Variants in WDR72 observed in about 807,000 individuals in gnomAD.
WDR72 encodes the protein WD repeat domain 72, also known as WD repeat-containing protein 72.
In WDR72, 120 loss-of-function variants were observed where a neutral mutation model predicts 124.2. The observed-to-expected ratio is 0.97, with a 90% CI of 0.83 to 1.12. The LOEUF is 1.12. WDR72 is among the 50% of genes most tolerant of loss of function. The pLI is 0.00. For synonymous variants in WDR72, 452 were observed against 441.7 expected, an observed-to-expected ratio of 1.02 and a Z score of -0.29; for missense variants, 1,387 against 1,278.8, an observed-to-expected ratio of 1.08 and a Z score of -1.29.
intron 8 of WDR72, 59 bp from the exon 9 acceptor site, chr15:53,711,012 T>C (rs2017520271): frequency 1.4e-6 from 2 of 1,436,770 alleles, no homozygotes; most frequent in South Asian, 1.2e-5. Context: ...TTCGTTTTTT[T>C]TCCCCCTCCC....
At chr15:53,678,481 C>T (rs564585966) in intron 13 of WDR72, among the ~76,000 whole-genome samples, 22 of 152,242 alleles carry the variant, frequency 1.4e-4, no homozygotes, top group Middle Eastern at 3.4e-3. Context: ...TTTCCCGGAG[C>T]ATTCTACCCT....
intron 1 of WDR72, among the ~76,000 whole-genome samples, chr15:53,744,271 C>T (rs747696805): frequency 6.6e-6 from 1 of 152,074 alleles, no homozygotes; most frequent in Admixed American, 6.6e-5. Flanking sequence ...TATGTTTATG[C>T]TTTGATATGA....
chr15:53,529,848 T>C (rs998573845), intron 18 of WDR72, among the ~76,000 whole-genome samples: 1 of 151,938 alleles, frequency 6.6e-6, no homozygotes, highest in African/African-American at 2.4e-5. Flanking sequence ...TGAAACAGAT[T>C]ATAAGGATAT....
intron 14 of WDR72, 61 bp from the exon 15 acceptor site, chr15:53,616,304 T>C (rs2013765813): frequency 7.0e-6 from 10 of 1,437,930 alleles, no homozygotes; most frequent in Non-Finnish European, 8.6e-6. Flanking sequence ...AAAGATTCCA[T>C]GATGTTAAAG....
chr15:53,589,231 C>T (rs527683147), intron 18 of WDR72, among the ~76,000 whole-genome samples: 1 of 151,896 alleles, frequency 6.6e-6, no homozygotes, highest in African/African-American at 2.4e-5. Context: ...TGTGAGCTTG[C>T]TGTGTGTACA....
chr15:53,648,346 T>A (rs924853802), intron 14 of WDR72, among the ~76,000 whole-genome samples: 2 of 152,136 alleles, frequency 1.3e-5, no homozygotes, highest in Non-Finnish European at 2.9e-5. Flanking sequence ...GTACTCACCC[T>A]CTGGAGATGA....
intron 5 of WDR72, 116 bp from the exon 6 acceptor site, chr15:53,714,626 C>A: frequency 1.3e-6 from 1 of 771,042 alleles, no homozygotes; most frequent in Non-Finnish European, 2.2e-6. Context: ...AAATTTTCAG[C>A]TTTGGAGTTA....
intron 9 of WDR72, among the ~76,000 whole-genome samples, chr15:53,706,360 A>ATATATATATGTGTGTGTG (rs1555426239): frequency 2.4e-5 from 1 of 42,458 alleles, no homozygotes; most frequent in African/African-American, 8.8e-5. Context: ...GTATATATAT[A>ATATATATATGTGTGTGTG]TATATATATA....
chr15:53,518,067 T>C (rs1312620192), intron 19 of WDR72, among the ~76,000 whole-genome samples: 1 of 150,216 alleles, frequency 6.7e-6, no homozygotes, highest in Non-Finnish European at 1.5e-5. Context: ...AGATGGAAGT[T>C]TTCTATAAGA....
chr15:53,684,120 A>G (rs1420832084), intron 13 of WDR72: 1 of 152,208 alleles, frequency 6.6e-6, no homozygotes, highest in Non-Finnish European at 1.5e-5. Flanking sequence ...AAAAGAAAGA[A>G]AACATTGCAG....
intron 2 of WDR72, among the ~76,000 whole-genome samples, chr15:53,731,334 A>G (rs989801342): frequency 1.3e-5 from 2 of 151,944 alleles, no homozygotes; most frequent in African/African-American, 4.8e-5. Flanking sequence ...ATGTAGAATA[A>G]CTTTGCTTCT....
At chr15:53,680,884 A>C (rs1053218732) in intron 13 of WDR72, among the ~76,000 whole-genome samples, 1 of 152,338 alleles carries the variant, frequency 6.6e-6, no homozygotes, top group South Asian at 2.1e-4. Flanking sequence ...GTGGTGGGCC[A>C]ATCTATTGCC....
At chr15:53,721,676 T>G (rs1798211050) in intron 3 of WDR72, among the ~76,000 whole-genome samples, 1 of 152,220 alleles carries the variant, frequency 6.6e-6, no homozygotes, top group Non-Finnish European at 1.5e-5. Flanking sequence ...CCTTGATTCC[T>G]CACTATTCTT....
intron 13 of WDR72, among the ~76,000 whole-genome samples, chr15:53,693,140 T>C (rs1488219512): frequency 6.6e-6 from 1 of 152,156 alleles, no homozygotes; most frequent in Non-Finnish European, 1.5e-5. Flanking sequence ...GCGGTGACCT[T>C]GAGGAGAAAA....
rs187071691 is a variant in WDR72 at position 53,653,467 on chromosome 15, G to A, written c.1962+12105C>T. Among the ~76,000 whole-genome samples, 151 of 152,292 alleles carry A rather than the reference G, an allele frequency of 9.9e-4. 3 individuals are homozygous for A. Among genetic ancestry groups the A allele is most frequent in the African/African-American group, 3.5e-3 (144 of 41,578 alleles). ...TTAGACTTGAAGGTATAGAATTGAG[G>A]TGAAAATATTCTGGCAAAAGACTAA... On this transcript the variant is annotated intron_variant, in intron 14 of 19. Coordinates refer to ENST00000360509, the MANE Select transcript of WDR72 (RefSeq NM_182758.4).
intron 14 of WDR72, among the ~76,000 whole-genome samples, chr15:53,638,862 G>T (rs1157629449): frequency 2.0e-5 from 3 of 151,842 alleles, no homozygotes; most frequent in Admixed American, 1.3e-4. Flanking sequence ...AATTAGCCAG[G>T]CATGATGGCG....
intron 18 of WDR72, among the ~76,000 whole-genome samples, chr15:53,529,995 A>C (rs1189797523): frequency 3.3e-5 from 5 of 151,796 alleles, no homozygotes; most frequent in Admixed American, 3.3e-4. Flanking sequence ...AAGAGTTCCC[A>C]CTGGGAGGTT....
intron 16 of WDR72, 41 bp downstream of exon 16, chr15:53,613,623 GAA>G (rs34829468): frequency 1.6e-5 from 21 of 1,283,702 alleles, no homozygotes; most frequent in Non-Finnish European, 2.0e-5. Context: ...TCCTTTCACA[GAA>G]AAAAAAAATC....
chr15:53,574,394 G>A (rs1340212503), intron 18 of WDR72, among the ~76,000 whole-genome samples: 3 of 152,038 alleles, frequency 2.0e-5, no homozygotes, highest in Non-Finnish European at 2.9e-5. Context: ...AATAATGACA[G>A]GCATTGACCT....
Sources: allele counts gnomAD v4.1 joint callset (sites outside exome capture counted in the v4.1 genomes callset), GRCh38; gene constraint gnomAD v4.1.1; transcripts MANE v1.5; gene names NCBI Gene and HGNC (gene_info 2026-07-23, HGNC 2026-07-21).